Variants in ATRNL1 observed in about 807,000 individuals in gnomAD.
ATRNL1 encodes the protein attractin-like protein 1.
A neutral mutation model predicts 182.7 loss-of-function variants in ATRNL1; 95 were observed. The observed-to-expected ratio is 0.52, with a 90% CI of 0.44 to 0.62. The LOEUF is 0.62. Ranked by LOEUF, ATRNL1 falls within the 20% of genes least tolerant of loss-of-function variation. The probability of loss-of-function intolerance (pLI) is 0.00; values close to 1 mark genes in which losing one functional copy is unlikely to be tolerated. For missense variants in ATRNL1, 1,471 were observed against 1,679.5 expected (o/e 0.88, Z 2.17); for synonymous variants, 576 against 568.3 (o/e 1.01, Z -0.19).
intron 15 of ATRNL1, among the ~76,000 whole-genome samples, chr10:115,296,395 T>G (rs1592398306): frequency 6.6e-6 from 1 of 152,298 alleles, no homozygotes; most frequent in African/African-American, 2.4e-5. Flanking sequence ...GCACCAGGTG[T>G]CTCTAGTCAG....
chr10:115,308,730 A>G (rs1554926965), intron 17 of ATRNL1, among the ~76,000 whole-genome samples: 1 of 152,028 alleles, frequency 6.6e-6, no homozygotes, highest in Non-Finnish European at 1.5e-5. Context: ...CTCATATATT[A>G]TCTATTTTGC....
rs1950655113 is a variant in ATRNL1, at chr10:115,835,758, TCTCCAGAAATCAC to T, written c.3904-12117_3904-12105del. Among the ~76,000 whole-genome samples the T allele has an allele frequency of 5.3e-5, 8 of 152,244 alleles. No homozygotes were observed. In the South Asian group the frequency reaches 1.7e-3, roughly 32 times the overall value. On this transcript the variant is annotated intron_variant, in intron 27 of 28. Transcript: ENST00000355044. ...TTTTCACAGCTCTGAGCAGAGTCCT[TCTCCAGAAATCAC>T]CCTCTGCTGAGAGAAGCTGCCTCTC...
chr10:115,807,324 C>G (rs1555085879), intron 27 of ATRNL1, among the ~76,000 whole-genome samples: 1 of 152,068 alleles, frequency 6.6e-6, no homozygotes, highest in South Asian at 2.1e-4. Flanking sequence ...TCATGTTGGC[C>G]AGGCTGTTCT....
intron 1 of ATRNL1, among the ~76,000 whole-genome samples, chr10:115,094,271 G>A (rs1266537911): frequency 6.6e-6 from 1 of 152,082 alleles, no homozygotes; most frequent in African/African-American, 2.4e-5. Flanking sequence ...CTGACCAACG[G>A]GGAGCTAGGC....
chr10:115,230,085 C>G (rs1379453177), intron 9 of ATRNL1, among the ~76,000 whole-genome samples: 1 of 152,026 alleles, frequency 6.6e-6, no homozygotes, highest in African/African-American at 2.4e-5. Context: ...GCCAGCAAAC[C>G]TTTCATTTAG....
chr10:115,480,967 GTGGTAAAATAAAT>G (rs1342253318), intron 24 of ATRNL1, among the ~76,000 whole-genome samples: 1 of 150,692 alleles, frequency 6.6e-6, no homozygotes, highest in Non-Finnish European at 1.5e-5. Flanking sequence ...AACTTTTCCA[GTGGTAAAATAAAT>G]TTGAGTAAAG....
chr10:115,127,825 G>T (rs1845040903), intron 4 of ATRNL1, 104 bp downstream of exon 4: 1 of 769,768 alleles, frequency 1.3e-6, no homozygotes, highest in African/African-American at 1.8e-5. Context: ...CCAGAAGCAG[G>T]CTACCGTGTT....
chr10:115,660,724 A>C (rs1277011045), intron 26 of ATRNL1, among the ~76,000 whole-genome samples: 1 of 152,004 alleles, frequency 6.6e-6, no homozygotes, highest in Non-Finnish European at 1.5e-5. Flanking sequence ...AGAGATGAGA[A>C]AGTAGAGTGA....
chr10:115,177,614 A>T (rs941578951), intron 8 of ATRNL1, among the ~76,000 whole-genome samples: 1 of 152,068 alleles, frequency 6.6e-6, no homozygotes. Context: ...TGTCCCATGG[A>T]CTATGTCTCC....
chr10:115,515,008 T>A, intron 24 of ATRNL1, among the ~76,000 whole-genome samples: 1 of 151,918 alleles, frequency 6.6e-6, no homozygotes, highest in South Asian at 2.1e-4. Context: ...GACTGGTTGC[T>A]TTTGAAAGTT....
chr10:115,813,097 G>T (rs978514731), intron 27 of ATRNL1, among the ~76,000 whole-genome samples: 1 of 152,090 alleles, frequency 6.6e-6, no homozygotes, highest in African/African-American at 2.4e-5. Flanking sequence ...AAGTGCCTCT[G>T]TGGGGTTCTT....
chr10:115,218,713 C>T (rs1176745792), intron 9 of ATRNL1, among the ~76,000 whole-genome samples: 1 of 152,198 alleles, frequency 6.6e-6, no homozygotes, highest in Non-Finnish European at 1.5e-5. Context: ...AGCCACTTTA[C>T]CTGCCAACTT....
intron 21 of ATRNL1, among the ~76,000 whole-genome samples, chr10:115,440,917 A>G (rs1330443842): frequency 6.6e-6 from 1 of 151,780 alleles, no homozygotes; most frequent in Non-Finnish European, 1.5e-5. Context: ...CTATTCTCAA[A>G]CCTTTATCTG....
intron 26 of ATRNL1, among the ~76,000 whole-genome samples, chr10:115,604,862 A>G (rs1358038560): frequency 6.6e-6 from 1 of 152,116 alleles, no homozygotes; most frequent in Admixed American, 6.6e-5. Context: ...AATTAAGACC[A>G]GATGTGGAGA....
intron 27 of ATRNL1, among the ~76,000 whole-genome samples, chr10:115,778,102 G>T (rs142540543): frequency 1.4e-4 from 22 of 152,228 alleles, no homozygotes; most frequent in Non-Finnish European, 1.9e-4. Flanking sequence ...ACTTTTAGCC[G>T]CAATCAGCTA....
chr10:115,177,586 G>C lies in ATRNL1; in HGVS notation c.1348+6294G>C, dbSNP rs188284483. 3.0e-3 allele frequency among the ~76,000 whole-genome samples: 462 copies of C among 152,264 alleles called. 4 individuals carry two copies. The highest frequency in any genetic ancestry group is 4.9e-3 in the Non-Finnish European group (330 of 68,010). ...GAAATTTTCTTTAACTATTAACCCT[G>C]TCAGTTGTCAGTTGATGTGTCCCAT... On this transcript the variant is annotated intron_variant, in intron 8 of 28. Transcript: ENST00000355044.
chr10:115,337,017 C>T (rs1254670519), intron 19 of ATRNL1, among the ~76,000 whole-genome samples: 3 of 148,404 alleles, frequency 2.0e-5, no homozygotes, highest in South Asian at 2.2e-4. Context: ...CCATGCCTAG[C>T]TAATTTTTTT....
At position 115,856,937 on chromosome 10, in the gene ATRNL1, G is replaced by A. The variant is rs116613356; in HGVS notation, c.4018+8946G>A. ...TGAACAACATGGGTTTGAACTGTGT[G>A]GGCTCATTTATATGCAGATTTTCTT... is the stretch of plus-strand genomic sequence containing the variant. On this transcript the variant is annotated intron_variant, in intron 28 of 28. Coordinates refer to ENST00000355044, the MANE Select transcript of ATRNL1 (RefSeq NM_207303.4). Among the ~76,000 whole-genome samples the A allele has an allele frequency of 8.2e-3, 1,249 of 152,108 alleles. 17 individuals are homozygous for A. Among genetic ancestry groups the A allele is most frequent in the African/African-American group, 0.028 (1,163 of 41,500 alleles).
intron 8 of ATRNL1, among the ~76,000 whole-genome samples, chr10:115,176,067 T>C (rs1461080127): frequency 6.6e-6 from 1 of 152,226 alleles, no homozygotes; most frequent in African/African-American, 2.4e-5. Context: ...CCAGTGATGA[T>C]GAGCATTTCT....
Sources: gnomAD v4.1 joint callset for allele counts (sites outside exome capture counted in the v4.1 genomes callset) on GRCh38, gnomAD v4.1.1 for gene constraint, MANE v1.5 for transcripts, NCBI Gene and HGNC (gene_info 2026-07-23, HGNC 2026-07-21) for gene names.